The following PCDH7 variants were observed in gnomAD, a reference collection of about 807,000 sequenced individuals.
PCDH7 encodes protocadherin-7.
PCDH7 carries 17 observed loss-of-function variants against 58.9 expected under a neutral mutation model. The observed-to-expected ratio is 0.29, with a 90% confidence interval of 0.20 to 0.43. The LOEUF is 0.43. PCDH7 is among the 20% of genes least tolerant of loss of function. PCDH7 has a pLI of 1.00. For synonymous variants in PCDH7, 664 were observed against 616.4 expected (o/e 1.08, Z -1.14); for missense variants, 1,274 against 1,441.0 (o/e 0.88, Z 1.88).
At chr4:31,098,734 G>T (rs1714502600) in intron 3 of PCDH7, among the ~76,000 whole-genome samples, 1 of 152,160 alleles carries the variant, frequency 6.6e-6, no homozygotes, top group South Asian at 2.1e-4. Flanking sequence ...AACTAGATAT[G>T]TACAGTACAT....
intron 1 of PCDH7, among the ~76,000 whole-genome samples, chr4:30,852,929 C>T (rs1231918701): frequency 3.3e-5 from 5 of 150,754 alleles, no homozygotes; most frequent in African/African-American, 4.9e-5. Context: ...CAGTGTTTAT[C>T]GGAGATGGTA....
intron 2 of PCDH7, among the ~76,000 whole-genome samples, chr4:30,940,757 A>T (rs1289208909): frequency 6.6e-6 from 1 of 151,970 alleles, no homozygotes; most frequent in Non-Finnish European, 1.5e-5. Flanking sequence ...ATTAAGTTTG[A>T]TGATAGTTAA....
chr4:30,880,299 C>T (rs952628057), intron 1 of PCDH7, among the ~76,000 whole-genome samples: 43 of 147,544 alleles, frequency 2.9e-4, no homozygotes, highest in Admixed American at 2.7e-4. Flanking sequence ...AAAAAAAAAA[C>T]CCTCCTCAGC....
chr4:30,939,270 C>A lies in PCDH7; in HGVS notation c.288-10850C>A, dbSNP rs897731228. Among the ~76,000 whole-genome samples the A allele has an allele frequency of 1.3e-5, 2 of 152,058 alleles. 1 individual carries two copies. The highest frequency in any genetic ancestry group is 4.1e-4 in the South Asian group (2 of 4,826). On this transcript the variant is annotated intron_variant, in intron 2 of 3. Transcript: ENST00000509759. ...AAATGTGCCTGTTATTTATAATAAC[C>A]ATTTCAGTATTGTGGTATATTAGGC...
chr4:31,121,966 A>G (rs1404487466), intron 3 of PCDH7, among the ~76,000 whole-genome samples: 2 of 152,106 alleles, frequency 1.3e-5, no homozygotes, highest in Non-Finnish European at 2.9e-5. Context: ...CAGAATCATT[A>G]TTACATCTGA....
At chr4:30,966,572 C>T (rs777997303) in intron 3 of PCDH7, among the ~76,000 whole-genome samples, 7 of 151,970 alleles carry the variant, frequency 4.6e-5, no homozygotes, top group African/African-American at 1.7e-4. Flanking sequence ...GGGGTTTTGA[C>T]TGTCATTTTT....
intron 3 of PCDH7, among the ~76,000 whole-genome samples, chr4:30,979,342 A>G (rs1233098336): frequency 1.3e-5 from 2 of 151,608 alleles, no homozygotes; most frequent in South Asian, 2.1e-4. Flanking sequence ...AAAAAAAAGA[A>G]AAAAAAGAAA....
At chr4:30,791,351 A>T (rs1165432763) in intron 1 of PCDH7, among the ~76,000 whole-genome samples, 1 of 152,170 alleles carries the variant, frequency 6.6e-6, no homozygotes, top group African/African-American at 2.4e-5. Context: ...TTCATATTTT[A>T]TATGTTATTA....
At chr4:31,098,882 T>A (rs1714523086) in intron 3 of PCDH7, among the ~76,000 whole-genome samples, 1 of 152,182 alleles carries the variant, frequency 6.6e-6, no homozygotes, top group African/African-American at 2.4e-5. Flanking sequence ...TGAGCAGGTT[T>A]GGTTTCGCCC....
rs771675400 is a variant in PCDH7 at position 30,723,566 on chromosome 4, T to A, written c.2144T>A (p.Val715Glu). 1 of 1,614,180 alleles carries A rather than the reference T, an allele frequency of 6.2e-7. No individual in the cohort carries two copies. The highest frequency in any genetic ancestry group is 8.5e-7 in the Non-Finnish European group (1 of 1,180,024). Residue 715 changes from valine (V) to glutamate (E), a missense_variant, in exon 1 of 2, where the codon GTG becomes GAG. Physicochemically the swap from Val to Glu is moderately radical, Grantham distance 121. Transcript: ENST00000361762. The surrounding 1 kb of genome is among the most constrained non-coding windows in gnomAD (Gnocchi z 4.6). ...ACATACACTTTCAGAGTCAAGGCTG[T>A]GGATGGGGGAGATCCTCCCAGATCT... is the stretch of plus-strand genomic sequence containing the variant.
intron 1 of PCDH7, among the ~76,000 whole-genome samples, chr4:30,774,683 C>T (rs765170938): frequency 6.6e-6 from 1 of 152,132 alleles, no homozygotes; most frequent in African/African-American, 2.4e-5. Context: ...TACTCTGCAT[C>T]AGGGACTGTT....
At chr4:30,964,250 A>ATTT (rs61539074) in intron 3 of PCDH7, among the ~76,000 whole-genome samples, 6,601 of 106,700 alleles carry the variant, frequency 0.062, 375 homozygotes, top group East Asian at 0.27. Context: ...TTATTTATTT[A>ATTT]TTTTTTTTTG....
chr4:30,793,754 C>T (rs765789742), intron 1 of PCDH7, among the ~76,000 whole-genome samples: 2 of 152,168 alleles, frequency 1.3e-5, no homozygotes, highest in Admixed American at 6.5e-5. Flanking sequence ...AAAGGAACTA[C>T]ATTTTTAATT....
chr4:31,035,940 A>C (rs1578621815), intron 3 of PCDH7, among the ~76,000 whole-genome samples: 1 of 152,220 alleles, frequency 6.6e-6, no homozygotes, highest in African/African-American at 2.4e-5. Context: ...AATGTTCATA[A>C]GACCTGTAAG....
rs577360443 is a variant in PCDH7 at position 30,725,693 on chromosome 4, C to A, written c.3174+1097C>A. Among the ~76,000 whole-genome samples the A allele has an allele frequency of 2.0e-4, 31 of 152,144 alleles. No individual in the cohort carries two copies. In the South Asian group the frequency reaches 3.7e-3, roughly 18 times the overall value. ...TATTTCTTACTGTCAGAACCCATCT[C>A]AAGAAACACAGTTATGATTGTCAAT... On this transcript the variant is annotated intron_variant, in intron 1 of 1. Coordinates refer to ENST00000361762, the Ensembl canonical transcript of PCDH7.
At chr4:31,045,577 C>T (rs542222688) in intron 3 of PCDH7, among the ~76,000 whole-genome samples, 71 of 152,106 alleles carry the variant, frequency 4.7e-4, no homozygotes, top group African/African-American at 1.7e-3. Context: ...TGGTCAAATG[C>T]AGTTCCTGAT....
chr4:30,723,624 T>G lies in PCDH7; in HGVS notation c.2202T>G (p.Asp734Glu). Residue 734 changes from aspartate to glutamate, a missense_variant, in exon 1 of 2, where the codon GAT becomes GAG. Asp to Glu is a conservative substitution (Grantham distance 45). Transcript: ENST00000361762. The surrounding 1 kb of genome is among the most constrained non-coding windows in gnomAD (Gnocchi z 4.6). The stretch of plus-strand genomic sequence containing the variant: ...CTACAGTCTCGCTTTTTGTGATGGA[T>G]GAAAATGACAATGCTCCCACAGTTA... 1 of 1,614,136 alleles carries G rather than the reference T, an allele frequency of 6.2e-7. No individual in the cohort carries two copies.
rs76910790 is a variant in PCDH7 at position 31,128,506 on chromosome 4, C to G, written c.*8-13967C>G. 4.6e-3 allele frequency among the ~76,000 whole-genome samples: 705 copies of G among 152,218 alleles called. 5 individuals carry two copies. Among genetic ancestry groups the G allele is most frequent in the Middle Eastern group, 0.017 (5 of 294 alleles). On this transcript the variant is annotated intron_variant, in intron 3 of 3. Transcript: ENST00000509759. The stretch of plus-strand genomic sequence containing the variant: ...TCATCTGTGTTTTGAAAATTTTCAT[C>G]TATGGAATGAGCTGTGCATGAGACA...
chr4:31,046,729 C>T (rs1756323068), intron 3 of PCDH7, among the ~76,000 whole-genome samples: 1 of 151,764 alleles, frequency 6.6e-6, no homozygotes, highest in African/African-American at 2.4e-5. Context: ...TTAAATATTC[C>T]AAAGCATAAC....
Sources: gnomAD v4.1 joint callset for allele counts (sites outside exome capture counted in the v4.1 genomes callset) on GRCh38, gnomAD v4.1.1 for gene constraint, Gnocchi (gnomAD v3.1) non-coding constraint, MANE v1.5 for transcripts, NCBI Gene and HGNC (gene_info 2026-07-23, HGNC 2026-07-21) for gene names.